The following PTPRR variants were observed in gnomAD, a reference collection of about 807,000 sequenced individuals.
PTPRR encodes the protein receptor-type tyrosine-protein phosphatase R.
Under a neutral mutation model 77.2 loss-of-function variants are expected in PTPRR, and 38 were observed. The ratio of observed to expected loss-of-function variants is 0.49; its 90% CI spans 0.38 to 0.65. PTPRR has a LOEUF of 0.65. PTPRR is among the 30% of genes least tolerant of loss of function. The pLI is 0.00. For missense variants in PTPRR, 744 were observed against 799.2 expected (o/e 0.93, Z 0.83); for synonymous variants, 299 against 283.1 (o/e 1.06, Z -0.57).
chr12:70,782,592 A>G (rs201713812), intron 2 of PTPRR, among the ~76,000 whole-genome samples: 284 of 152,178 alleles, frequency 1.9e-3, no homozygotes, highest in African/African-American at 6.2e-3. Context: ...CACAAGGACA[A>G]AAAACCAAAC....
chr12:70,805,612 C>T (rs913504422), intron 2 of PTPRR, among the ~76,000 whole-genome samples: 3 of 152,156 alleles, frequency 2.0e-5, no homozygotes, highest in African/African-American at 2.4e-5. Flanking sequence ...CCTCCTGTTT[C>T]GGCTGGGACT....
At chr12:70,920,271 T>G (rs1893836125) in intron 1 of PTPRR, 62 bp downstream of exon 1, 6 of 1,537,830 alleles carry the variant, frequency 3.9e-6, no homozygotes, top group Non-Finnish European at 1.8e-6. Context: ...CCTAGAGTCC[T>G]TAAGCATGTG....
intron 2 of PTPRR, among the ~76,000 whole-genome samples, chr12:70,875,101 T>C (rs1893028928): frequency 6.6e-6 from 1 of 152,150 alleles, no homozygotes; most frequent in Non-Finnish European, 1.5e-5. Flanking sequence ...GAATAACTTA[T>C]GGTATAACCA....
intron 8 of PTPRR, among the ~76,000 whole-genome samples, chr12:70,696,271 T>G (rs1484453457): frequency 6.6e-6 from 1 of 152,140 alleles, no homozygotes; most frequent in Non-Finnish European, 1.5e-5. Flanking sequence ...TATTCTGGCC[T>G]ATGCACTGAG....
At chr12:70,770,297 T>A (rs1346556507) in intron 2 of PTPRR, among the ~76,000 whole-genome samples, 2 of 151,618 alleles carry the variant, frequency 1.3e-5, no homozygotes, top group East Asian at 1.9e-4. Flanking sequence ...TACAATGAAC[T>A]CAAAGAAATT....
At chr12:70,875,355 A>G (rs1893033005) in intron 2 of PTPRR, among the ~76,000 whole-genome samples, 1 of 152,244 alleles carries the variant, frequency 6.6e-6, no homozygotes, top group Non-Finnish European at 1.5e-5. Context: ...TTATTTAAAC[A>G]TGAAGAAAAT....
At chr12:70,736,836 T>C (rs2136903050) in intron 6 of PTPRR, among the ~76,000 whole-genome samples, 1 of 152,266 alleles carries the variant, frequency 6.6e-6, no homozygotes, top group East Asian at 1.9e-4. Flanking sequence ...ATGAATGGTG[T>C]TTATTTGAAG....
At chr12:70,645,291 T>A (rs1420816940) in intron 13 of PTPRR, among the ~76,000 whole-genome samples, 2 of 152,200 alleles carry the variant, frequency 1.3e-5, no homozygotes, top group Non-Finnish European at 2.9e-5. Context: ...AATAAGGTAT[T>A]TAGGTATTTA....
intron 10 of PTPRR, among the ~76,000 whole-genome samples, chr12:70,677,316 G>T (rs929836718): frequency 6.6e-6 from 1 of 151,962 alleles, no homozygotes; most frequent in East Asian, 1.9e-4. Context: ...ACAAGTTTTG[G>T]TGCAGTCTTT....
At chr12:70,913,805 C>G (rs78948155) in intron 1 of PTPRR, among the ~76,000 whole-genome samples, 1 of 152,178 alleles carries the variant, frequency 6.6e-6, no homozygotes, top group East Asian at 1.9e-4. Context: ...GATATAATCT[C>G]TTGGTCAATG....
intron 2 of PTPRR, among the ~76,000 whole-genome samples, chr12:70,831,470 T>A (rs1459951421): frequency 6.6e-6 from 1 of 152,080 alleles, no homozygotes; most frequent in Non-Finnish European, 1.5e-5. Flanking sequence ...GTAAGAAAAT[T>A]GAAAGGTGAT....
intron 2 of PTPRR, among the ~76,000 whole-genome samples, chr12:70,791,710 G>A (rs776815817): frequency 3.9e-5 from 6 of 152,104 alleles, no homozygotes; most frequent in Non-Finnish European, 8.8e-5. Context: ...GCAAATATAT[G>A]TATATGGTAA....
At chr12:70,706,565 C>G (rs1239755920) in intron 6 of PTPRR, among the ~76,000 whole-genome samples, 1 of 151,996 alleles carries the variant, frequency 6.6e-6, no homozygotes, top group East Asian at 1.9e-4. Flanking sequence ...CTGAAAGGAC[C>G]TACACCTCAC....
At chr12:70,777,289 A>C (rs1030753611) in intron 2 of PTPRR, among the ~76,000 whole-genome samples, 12 of 151,402 alleles carry the variant, frequency 7.9e-5, no homozygotes, top group African/African-American at 2.9e-4. Context: ...TTGCTATTTT[A>C]TGTTTTTTTG....
chr12:70,773,603 T>C (rs1385255457), intron 2 of PTPRR, among the ~76,000 whole-genome samples: 2 of 152,052 alleles, frequency 1.3e-5, no homozygotes, highest in Non-Finnish European at 2.9e-5. Flanking sequence ...AAAGTCTTGG[T>C]GAGGCAAAAA....
At chr12:70,821,420 T>TTTAACC in intron 2 of PTPRR, among the ~76,000 whole-genome samples, 1 of 151,144 alleles carries the variant, frequency 6.6e-6, no homozygotes, top group Non-Finnish European at 1.5e-5. Flanking sequence ...AGAGATGAGG[T>TTTAACC]TTAACCACTT....
At position 70,671,907 on chromosome 12, in the gene PTPRR, G is replaced by A. The variant is rs527615520; in HGVS notation, c.1498-9302C>T. On this transcript the variant is annotated intron_variant, in intron 10 of 13. Coordinates refer to ENST00000283228, the MANE Select transcript of PTPRR (RefSeq NM_002849.4). ...CAGCGCAGGAGGACCAGCCACCGCC[G>A]CCAGGCTCTGATGCTGGTCTCTGGT... is the stretch of plus-strand genomic sequence containing the variant. 44 of 837,938 alleles carry A rather than the reference G, an allele frequency of 5.3e-5. No homozygotes were observed. The East Asian group carries it at 5.4e-4, about 10-fold the overall frequency. 51.9% of individuals were successfully genotyped at this position (837,938 alleles called of 1,614,324 possible).
chr12:70,741,755 A>G (rs746505535), intron 6 of PTPRR, among the ~76,000 whole-genome samples: 5 of 152,118 alleles, frequency 3.3e-5, no homozygotes, highest in Non-Finnish European at 5.9e-5. Flanking sequence ...GAAGTGTTAG[A>G]ACGGCTGCTT....
chr12:70,712,943 A>G (rs1241712027), intron 6 of PTPRR, among the ~76,000 whole-genome samples: 1 of 152,148 alleles, frequency 6.6e-6, no homozygotes, highest in Non-Finnish European at 1.5e-5. Context: ...AATGGTTTTT[A>G]TTATAGTCAC....
Sources: allele counts gnomAD v4.1 joint callset (sites outside exome capture counted in the v4.1 genomes callset), GRCh38; gene constraint gnomAD v4.1.1; transcripts MANE v1.5; gene names NCBI Gene and HGNC (gene_info 2026-07-23, HGNC 2026-07-21).